The following APP variants were observed in gnomAD, a reference collection of about 807,000 sequenced individuals.
APP encodes amyloid-beta precursor protein.
In APP, 31 loss-of-function variants were observed where a neutral mutation model predicts 101.4. The ratio of observed to expected loss-of-function variants is 0.31; its 90% CI spans 0.23 to 0.41. The LOEUF is 0.41. APP is among the 10% of genes least tolerant of loss of function. The pLI, the probability that APP is intolerant of heterozygous loss-of-function variation, is 1.00. For missense variants in APP, 839 were observed against 1,003.7 expected, an observed-to-expected ratio of 0.84 and a Z score of 2.22; for synonymous variants, 366 against 364.4, an observed-to-expected ratio of 1.00 and a Z score of -0.05.
intron 13 of APP, among the ~76,000 whole-genome samples, chr21:25,922,905 A>T (rs2039693429): frequency 7.6e-6 from 1 of 131,214 alleles, no homozygotes; most frequent in Admixed American, 7.7e-5. Context: ...GAACCAAAAA[A>T]GAGCCCGCAT....
At chr21:26,034,247 CCT>C (rs2044984383) in intron 5 of APP, among the ~76,000 whole-genome samples, 1 of 152,246 alleles carries the variant, frequency 6.6e-6, no homozygotes, top group African/African-American at 2.4e-5. Flanking sequence ...CCTTCCTTCC[CCT>C]CTCTCTCCCT....
Position 25,881,609 on chromosome 21 carries a change from A to C in APP, c.*61T>G. 1 of 1,531,690 alleles carries C rather than the reference A, an allele frequency of 6.5e-7. No individual in the cohort carries two copies. The allele number at this position is 1,531,690 out of a possible 1,614,324, so 94.9% of individuals were successfully genotyped here. On this transcript the variant is annotated 3_prime_UTR_variant, in exon 18 of 18. Transcript: ENST00000346798. ...TTCCCACATTATTCTATAAATGGACACCGATGGGTAGTGAAGCAATGGTTT... is the reference window on the plus strand; with the variant it reads ...TTCCCACATTATTCTATAAATGGACCCCGATGGGTAGTGAAGCAATGGTTT...
At chr21:25,897,030 G>A (rs2038096839) in intron 16 of APP, among the ~76,000 whole-genome samples, 1 of 152,172 alleles carries the variant, frequency 6.6e-6, no homozygotes, top group East Asian at 1.9e-4. Context: ...GGAAGTCAAA[G>A]TGGCTGCTAT....
chr21:26,021,761 T>C, intron 6 of APP, 79 bp downstream of exon 6: 2 of 1,571,490 alleles, frequency 1.3e-6, no homozygotes, highest in Admixed American at 1.7e-5. Flanking sequence ...GCAGTGGTGC[T>C]AGGGTGGATA....
intron 2 of APP, among the ~76,000 whole-genome samples, chr21:26,093,897 C>T (rs537478027): frequency 2.6e-5 from 4 of 152,192 alleles, no homozygotes; most frequent in East Asian, 1.9e-4. Context: ...GGGCGGCTCA[C>T]GAGGTCAAGA....
At chr21:26,074,313 T>A (rs1447186402) in intron 3 of APP, among the ~76,000 whole-genome samples, 2 of 152,220 alleles carry the variant, frequency 1.3e-5, no homozygotes, top group Non-Finnish European at 2.9e-5. Flanking sequence ...ATTCATGTAA[T>A]CACTTAATAA....
chr21:26,147,497 T>C (rs140707700), intron 1 of APP, among the ~76,000 whole-genome samples: 7 of 152,214 alleles, frequency 4.6e-5, no homozygotes, highest in Non-Finnish European at 8.8e-5. Context: ...AAGAGCATGA[T>C]ATAATCAGTC....
chr21:25,890,624 A>G (rs1416819126), intron 17 of APP, among the ~76,000 whole-genome samples: 1 of 151,706 alleles, frequency 6.6e-6, no homozygotes, highest in African/African-American at 2.4e-5. Flanking sequence ...CCATAGTCCC[A>G]GCTACTCAGG....
At chr21:26,156,468 C>A (rs561239527) in intron 1 of APP, among the ~76,000 whole-genome samples, 4 of 152,164 alleles carry the variant, frequency 2.6e-5, no homozygotes, top group Admixed American at 1.3e-4. Context: ...ACAACGTATT[C>A]TTGGAGTGCC....
intron 5 of APP, among the ~76,000 whole-genome samples, chr21:26,038,067 A>G (rs1392483432): frequency 6.6e-6 from 1 of 152,184 alleles, no homozygotes; most frequent in Non-Finnish European, 1.5e-5. Flanking sequence ...ATTTCTATTT[A>G]AAATGTCCAA....
chr21:26,049,504 G>A (rs1411556959), intron 5 of APP, among the ~76,000 whole-genome samples: 25 of 152,160 alleles, frequency 1.6e-4, no homozygotes, highest in Non-Finnish European at 1.5e-5. Context: ...AGGTCATCAA[G>A]ACAGAGATAA....
At chr21:25,965,433 T>C (rs2041757313) in intron 11 of APP, among the ~76,000 whole-genome samples, 2 of 152,244 alleles carry the variant, frequency 1.3e-5, no homozygotes, top group Non-Finnish European at 2.9e-5. Context: ...ATACATCCTC[T>C]AACTGGTTAG....
Position 26,116,309 on chromosome 21 carries a change from T to C in APP, c.58-4163A>G, listed in dbSNP as rs144332900. Among the ~76,000 whole-genome samples the C allele has an allele frequency of 6.0e-4, 91 of 152,224 alleles. 1 individual carries two copies. The East Asian group carries it at 0.016, about 26-fold the overall frequency. ...AAAAAAATATTTTTGAGCCACAATA[T>C]AAAGAATACTGAAGTGAAATGGACT... On this transcript the variant is annotated intron_variant, in intron 1 of 17. Transcript: ENST00000346798.
chr21:25,897,552 G>A (rs772149228), intron 16 of APP, 21 bp downstream of exon 16: 4 of 1,559,344 alleles, frequency 2.6e-6, no homozygotes, highest in African/African-American at 2.7e-5. Flanking sequence ...GTAGTGGAAA[G>A]AGGTAAATTA....
chr21:25,994,980 A>G (rs1041964986), intron 8 of APP, among the ~76,000 whole-genome samples: 3 of 152,228 alleles, frequency 2.0e-5, no homozygotes, highest in South Asian at 2.1e-4. Flanking sequence ...AAGAAAATAT[A>G]GCTGCCCAAA....
chr21:26,116,874 T>C (rs2062446912), intron 1 of APP, among the ~76,000 whole-genome samples: 1 of 151,926 alleles, frequency 6.6e-6, no homozygotes, highest in Admixed American at 6.6e-5. Flanking sequence ...AGTCAGATTC[T>C]TGCATAATCT....
intron 17 of APP, among the ~76,000 whole-genome samples, chr21:25,887,793 GTGTGT>G (rs1438484540): frequency 6.6e-6 from 1 of 152,126 alleles, no homozygotes; most frequent in Admixed American, 6.6e-5. Context: ...ATAGTTGTAG[GTGTGT>G]AGCCCAGGTG....
intron 15 of APP, 89 bp from the exon 16 acceptor site, chr21:25,897,762 T>G: frequency 9.2e-7 from 1 of 1,089,090 alleles, no homozygotes; most frequent in Non-Finnish European, 1.4e-6. Context: ...TACCCAAAAC[T>G]TCTTTCTAGG....
chr21:26,032,966 G>C (rs2044908156), intron 5 of APP, among the ~76,000 whole-genome samples: 1 of 152,126 alleles, frequency 6.6e-6, no homozygotes, highest in Non-Finnish European at 1.5e-5. Flanking sequence ...GCTGAACAAA[G>C]AATGTTCATT....
Sources: allele counts gnomAD v4.1 joint callset (sites outside exome capture counted in the v4.1 genomes callset), GRCh38; gene constraint gnomAD v4.1.1; transcripts MANE v1.5; gene names NCBI Gene and HGNC (gene_info 2026-07-23, HGNC 2026-07-21).